Variants in PHF8 observed in about 807,000 individuals in gnomAD.
PHF8 encodes PHD finger protein 8, also known as histone lysine demethylase PHF8.
A neutral mutation model predicts 74.4 loss-of-function variants in PHF8; 9 were observed. The observed-to-expected ratio is 0.12, with a 90% CI of 0.07 to 0.21. The LOEUF (loss-of-function observed/expected upper bound fraction) is 0.21. PHF8 is among the 10% of genes least tolerant of loss of function. PHF8 has a pLI of 1.00. For synonymous variants in PHF8, 311 were observed against 316.6 expected (o/e 0.98, Z 0.19); for missense variants, 478 against 816.6 (o/e 0.59, Z 5.05).
intron 18 of PHF8, among the ~76,000 whole-genome samples, chrX:53,976,131 C>T (rs1425763602): frequency 9.1e-6 from 1 of 109,475 alleles, no homozygotes; most frequent in African/African-American, 3.3e-5. Context: ...CTGGTGAAAT[C>T]CCACCTCTAT....
chrX:54,026,732 G>C (rs1557111516), intron 2 of PHF8, among the ~76,000 whole-genome samples: 1 of 110,711 alleles, frequency 9.0e-6, no homozygotes, highest in Non-Finnish European at 1.9e-5. Flanking sequence ...AAGTAGCTAG[G>C]ACTACAAGCA....
At position 54,023,772 on chromosome X, in the gene PHF8, T is replaced by C. The variant is rs375128453; in HGVS notation, c.99-929A>G. Among the ~76,000 whole-genome samples the C allele has an allele frequency of 6.8e-5, 7 of 103,630 alleles. No homozygotes were observed. In the East Asian group the frequency reaches 1.2e-3, roughly 18 times the overall value. 90.0% of individuals were successfully genotyped at this position (103,630 alleles called of 115,157 possible). ...GGGAGGATCCCTTGAACCCAGGAGATTGAGGCTACAGTGGGCCATGATTGT... is the reference window on the plus strand; with the variant it reads ...GGGAGGATCCCTTGAACCCAGGAGACTGAGGCTACAGTGGGCCATGATTGT... On this transcript the variant is annotated intron_variant, in intron 2 of 21. Coordinates refer to ENST00000338154, the MANE Select transcript of PHF8 (RefSeq NM_015107.3).
rs1239034831 is a variant in PHF8, at chrX:53,995,683, T to C, written c.1323+10A>G. Reference sequence around the variant, plus strand: ...CAAATGCCTTTTCTTCCCTGCCCCATGCTCCTTACTTCCACCAGGCGGATC... The same window carrying C: ...CAAATGCCTTTTCTTCCCTGCCCCACGCTCCTTACTTCCACCAGGCGGATC... On this transcript the variant is annotated intron_variant, in intron 12 of 21. Coordinates refer to ENST00000338154, the MANE Select transcript of PHF8 (RefSeq NM_015107.3). 4 of 1,139,437 alleles carry C rather than the reference T, an allele frequency of 3.5e-6. No homozygotes were observed. Among genetic ancestry groups the C allele is most frequent in the Non-Finnish European group, 2.4e-6 (2 of 831,311 alleles). 93.9% of individuals were successfully genotyped at this position (1,139,437 alleles called of 1,213,427 possible).
intron 19 of PHF8, among the ~76,000 whole-genome samples, chrX:53,948,027 C>T (rs934624264): frequency 1.3e-4 from 14 of 111,843 alleles, no homozygotes; most frequent in African/African-American, 4.6e-4. Context: ...GACAAGTTGT[C>T]GCCATTGTGC....
At chrX:53,953,282 A>C (rs1247013456) in intron 19 of PHF8, among the ~76,000 whole-genome samples, 2 of 106,048 alleles carry the variant, frequency 1.9e-5, no homozygotes, top group East Asian at 2.9e-4. Context: ...TCAAAAAAAA[A>C]AAAACAAAAC....
intron 2 of PHF8, among the ~76,000 whole-genome samples, chrX:54,033,507 G>A (rs1176620032): frequency 9.0e-6 from 1 of 111,676 alleles, no homozygotes; most frequent in Non-Finnish European, 1.9e-5. Flanking sequence ...GAGGTCAGGA[G>A]TTCGAGACCA....
chrX:53,985,831 T>G lies in PHF8; in HGVS notation c.2114A>C (p.Asp705Ala). The G allele has an allele frequency of 8.3e-7, 1 of 1,211,428 alleles. No homozygotes were observed. Residue 705 changes from aspartate to alanine, a missense_variant, in exon 17 of 22, where the codon GAC (aspartate) becomes GCC (alanine). Around this residue, in one of 9 missense-constraint regions of PHF8, gnomAD observed 45 missense variants for 94.4 expected, o/e 0.48. Transcript: ENST00000338154. ...CAGTACTCACGTGAGGGCAGCATAG[T>G]CAGGTCCCCCCACCTGCCTGCTGGC... is the stretch of plus-strand genomic sequence containing the variant. ...LKASRQVGGP[D>A]YAALTEAPAS...
At chrX:54,044,789 G>A, upstream of PHF8, 1 of 763,982 alleles carries the variant, frequency 1.3e-6, no homozygotes, top group Non-Finnish European at 1.9e-6. Flanking sequence ...TCCTATGAGA[G>A]GAGGTGAACT....
intron 5 of PHF8, 64 bp downstream of exon 5, chrX:54,017,597 G>A: frequency 1.0e-6 from 1 of 989,874 alleles, no homozygotes; most frequent in Non-Finnish European, 1.4e-6. Flanking sequence ...GATTGGAGGG[G>A]AAGGGACACA....
At chrX:54,002,480 T>G in intron 9 of PHF8, 115 bp downstream of exon 9, 2 of 574,464 alleles carry the variant, frequency 3.5e-6, no homozygotes, top group Non-Finnish European at 6.1e-6. Flanking sequence ...CAGCTGAACA[T>G]GATCAGGAAC....
At chrX:53,939,809 C>T (rs1603298550) in intron 21 of PHF8, among the ~76,000 whole-genome samples, 1 of 110,755 alleles carries the variant, frequency 9.0e-6, no homozygotes, top group African/African-American at 3.3e-5. Flanking sequence ...CACATTAAAT[C>T]CCCTCCCATG....
rs782549846 is a variant in PHF8 at position 53,962,820 on chromosome X, T to G, written c.2539+24A>C. 3 of 937,602 alleles carry G rather than the reference T, an allele frequency of 3.2e-6. No individual in the cohort carries two copies. The South Asian group carries it at 5.8e-5, about 18-fold the overall frequency. The allele number at this position is 937,602 out of a possible 1,213,427, so 77.3% of individuals were successfully genotyped here. A position where few individuals can be genotyped will look rare whatever the true frequency, so the allele number is the denominator to read the frequency against. On this transcript the variant is annotated intron_variant, in intron 19 of 21. Coordinates refer to ENST00000338154, the MANE Select transcript of PHF8 (RefSeq NM_015107.3). ...TTCCTCCTGACCACCCCTACAGAGTTTAAGGGACAAAATACTAGATTACCT... is the reference window on the plus strand; with the variant it reads ...TTCCTCCTGACCACCCCTACAGAGTGTAAGGGACAAAATACTAGATTACCT...
At chrX:54,032,439 G>A (rs1372294260) in intron 2 of PHF8, among the ~76,000 whole-genome samples, 1 of 110,442 alleles carries the variant, frequency 9.1e-6, no homozygotes, top group African/African-American at 3.3e-5. Context: ...AGCATGCCAG[G>A]TCTGCTCCCC....
intron 18 of PHF8, among the ~76,000 whole-genome samples, chrX:53,970,458 G>A (rs1029868609): frequency 9.0e-6 from 1 of 111,602 alleles, no homozygotes. Flanking sequence ...AAAATAACCA[G>A]CTACCATCAT....
intron 2 of PHF8, among the ~76,000 whole-genome samples, chrX:54,029,675 T>C (rs1195964639): frequency 2.7e-5 from 3 of 111,287 alleles, no homozygotes; most frequent in Non-Finnish European, 5.7e-5. Flanking sequence ...GTACACAGGG[T>C]ACATGAACCC....
upstream of PHF8, among the ~76,000 whole-genome samples, chrX:54,045,635 G>A (rs931984650): frequency 1.8e-5 from 2 of 112,865 alleles, no homozygotes; most frequent in Non-Finnish European, 3.7e-5. Flanking sequence ...GCTGCTGTAA[G>A]AAAGACGGCA....
chrX:53,967,463 G>A (rs1293813430), intron 18 of PHF8, among the ~76,000 whole-genome samples: 5 of 102,106 alleles, frequency 4.9e-5, no homozygotes, highest in Admixed American at 3.0e-4. Flanking sequence ...CCCTCTGCCC[G>A]GCCAGCCACC....
intron 19 of PHF8, among the ~76,000 whole-genome samples, chrX:53,961,531 C>G (rs782703508): frequency 2.7e-5 from 3 of 111,266 alleles, no homozygotes; most frequent in African/African-American, 6.5e-5. Context: ...TTCACCATGT[C>G]GGTCAGGCTG....
Position 53,987,168 on chromosome X carries a change from A to G in PHF8, c.1910-5T>C. The stretch of plus-strand genomic sequence containing the variant: ...GGGGCAATTTCCGGGGAAATTCTAG[A>G]AAACAATGGAATGCACTTATTATGA... On this transcript the variant is annotated splice_polypyrimidine_tract_variant and splice_region_variant and intron_variant, in intron 15 of 21. Coordinates refer to ENST00000338154, the MANE Select transcript of PHF8 (RefSeq NM_015107.3). The G allele has an allele frequency of 8.9e-7, 1 of 1,119,231 alleles. No individual in the cohort carries two copies. The highest frequency in any genetic ancestry group is 1.2e-6 in the Non-Finnish European group (1 of 811,317). The allele number at this position is 1,119,231 out of a possible 1,213,427, so 92.2% of individuals were successfully genotyped here.
Sources: gnomAD v4.1 joint callset for allele counts (sites outside exome capture counted in the v4.1 genomes callset) on GRCh38, gnomAD v4.1.1 for gene constraint, gnomAD v4.1.1 regional missense constraint, MANE v1.5 for transcripts, NCBI Gene and HGNC (gene_info 2026-07-23, HGNC 2026-07-21) for gene names.